KIAA1217: variants seen among roughly 807,000 people sequenced by gnomAD.
The protein encoded by KIAA1217 is sickle tail protein homolog.
In KIAA1217, 88 loss-of-function variants were observed where a neutral mutation model predicts 163.9. The observed-to-expected ratio is 0.54, with a 90% confidence interval of 0.45 to 0.64. KIAA1217 has a LOEUF of 0.64. Among genes scored for constraint, KIAA1217 ranks in the 30% least tolerant of loss-of-function variants. The probability of loss-of-function intolerance (pLI) is 0.00; values close to 1 mark genes in which losing one functional copy is unlikely to be tolerated. For synonymous variants in KIAA1217, 903 were observed against 923.1 expected (o/e 0.98, Z 0.39); for missense variants, 2,372 against 2,475.0 (o/e 0.96, Z 0.88).
At chr10:23,935,359 G>A (rs911988184) in intron 1 of KIAA1217, among the ~76,000 whole-genome samples, 8 of 152,148 alleles carry the variant, frequency 5.3e-5, no homozygotes, top group South Asian at 4.2e-4. Context: ...AGATCACTGC[G>A]AGAAAAACAC....
At chr10:24,254,166 C>A (rs920335272) in intron 2 of KIAA1217, among the ~76,000 whole-genome samples, 13 of 152,158 alleles carry the variant, frequency 8.5e-5, no homozygotes, top group African/African-American at 2.9e-4. Context: ...TGGCTCAGGT[C>A]AGTTGCTCAG....
intron 1 of KIAA1217, among the ~76,000 whole-genome samples, chr10:23,703,223 A>G (rs1836604322): frequency 6.6e-6 from 1 of 152,170 alleles, no homozygotes; most frequent in South Asian, 2.1e-4. Flanking sequence ...ACCTATATGT[A>G]TAGAGCAGAG....
intron 1 of KIAA1217, among the ~76,000 whole-genome samples, chr10:23,950,008 C>T (rs999173809): frequency 8.5e-5 from 13 of 152,200 alleles, no homozygotes; most frequent in African/African-American, 2.4e-4. Context: ...TTTATCATCT[C>T]AAGCGTAGAT....
chr10:23,702,321 T>G (rs1267277300), intron 1 of KIAA1217, among the ~76,000 whole-genome samples: 1 of 151,638 alleles, frequency 6.6e-6, no homozygotes, highest in African/African-American at 2.4e-5. Context: ...AAAGAGGGAG[T>G]GACTTTCTAA....
chr10:23,970,789 G>A (rs1486182238), intron 1 of KIAA1217, among the ~76,000 whole-genome samples: 1 of 152,144 alleles, frequency 6.6e-6, no homozygotes, highest in Non-Finnish European at 1.5e-5. Context: ...ACTAGTTCAG[G>A]CCATGATAGG....
At chr10:24,135,769 G>T (rs1314136895) in intron 2 of KIAA1217, among the ~76,000 whole-genome samples, 1 of 152,058 alleles carries the variant, frequency 6.6e-6, no homozygotes, top group Non-Finnish European at 1.5e-5. Context: ...GCTCTGCTGC[G>T]AAGCTTTCTG....
Position 23,861,388 on chromosome 10 carries a change from T to C in KIAA1217, c.-320-145837T>C, listed in dbSNP as rs117900362. Among the ~76,000 whole-genome samples, 136 of 152,288 alleles carry C rather than the reference T, an allele frequency of 8.9e-4. 1 individual carries two copies. In the East Asian group the frequency reaches 0.024, roughly 27 times the overall value. On this transcript the variant is annotated intron_variant, in intron 1 of 18. Coordinates refer to the KIAA1217 transcript ENST00000376462. Reference sequence around the variant, plus strand: ...GTTTTCTGAGCTATAAGCAGTGAGATAGGCAGAATGAACTCCAAAGATGTC... The same window carrying C: ...GTTTTCTGAGCTATAAGCAGTGAGACAGGCAGAATGAACTCCAAAGATGTC...
chr10:23,779,623 C>G (rs1325519811), intron 1 of KIAA1217, among the ~76,000 whole-genome samples: 1 of 152,178 alleles, frequency 6.6e-6, no homozygotes, highest in Admixed American at 6.5e-5. Context: ...AAATGCTCTA[C>G]TGTGTATTGA....
intron 5 of KIAA1217, among the ~76,000 whole-genome samples, chr10:24,472,808 C>T (rs1186085578): frequency 6.6e-6 from 1 of 152,066 alleles, no homozygotes; most frequent in Non-Finnish European, 1.5e-5. Flanking sequence ...ATCAATGTGT[C>T]GGCAGGGTCA....
chr10:23,725,085 T>C (rs1395354946), intron 1 of KIAA1217, among the ~76,000 whole-genome samples: 1 of 152,318 alleles, frequency 6.6e-6, no homozygotes, highest in Non-Finnish European at 1.5e-5. Context: ...ATGTCATGGG[T>C]TCTCTTTCCT....
chr10:24,500,183 A>AGGTGTG, intron 8 of KIAA1217, among the ~76,000 whole-genome samples: 1 of 100,094 alleles, frequency 1.0e-5, no homozygotes, highest in Non-Finnish European at 2.1e-5. Context: ...AACTGAACAG[A>AGGTGTG]AGTGTGTGTG....
chr10:24,232,649 T>G (rs2071579733), intron 2 of KIAA1217, among the ~76,000 whole-genome samples: 1 of 152,146 alleles, frequency 6.6e-6, no homozygotes, highest in Non-Finnish European at 1.5e-5. Flanking sequence ...TTCAGTCCAG[T>G]GCATAGATGC....
At chr10:23,914,794 C>CG (rs1279333573) in intron 1 of KIAA1217, among the ~76,000 whole-genome samples, 1 of 152,116 alleles carries the variant, frequency 6.6e-6, no homozygotes, top group African/African-American at 2.4e-5. Context: ...CAGTTAAGTT[C>CG]ATCCCCCAAA....
At chr10:24,483,713 G>A (rs1172197205) in intron 6 of KIAA1217, among the ~76,000 whole-genome samples, 1 of 152,086 alleles carries the variant, frequency 6.6e-6, no homozygotes, top group African/African-American at 2.4e-5. Context: ...TTAGCTGGCC[G>A]TGTTCAGCTG....
At chr10:24,524,282 G>A (rs372404044) in intron 12 of KIAA1217, 41 bp from the exon 13 acceptor site, 17 of 1,571,616 alleles carry the variant, frequency 1.1e-5, no homozygotes, top group African/African-American at 4.1e-5. Flanking sequence ...CCATGAGAAA[G>A]TGACATGAGG....
chr10:24,120,719 A>T (rs546625083), intron 2 of KIAA1217, among the ~76,000 whole-genome samples: 1 of 152,186 alleles, frequency 6.6e-6, no homozygotes, highest in African/African-American at 2.4e-5. Flanking sequence ...TTTTCCCCCA[A>T]TGGAAATTGT....
intron 2 of KIAA1217, chr10:24,239,359 C>A: frequency 1.0e-6 from 1 of 959,116 alleles, no homozygotes; most frequent in Non-Finnish European, 1.2e-6. Context: ...GGGTTTTTTT[C>A]TTCCAAGTTT....
At chr10:23,698,373 A>T (rs1373040136) in intron 1 of KIAA1217, among the ~76,000 whole-genome samples, 3 of 152,238 alleles carry the variant, frequency 2.0e-5, no homozygotes, top group African/African-American at 4.8e-5. Flanking sequence ...AATACTAAAA[A>T]TGGTAGCTAA....
At chr10:23,856,513 C>T (rs564331709) in intron 1 of KIAA1217, among the ~76,000 whole-genome samples, 10 of 152,324 alleles carry the variant, frequency 6.6e-5, no homozygotes, top group African/African-American at 1.2e-4. Flanking sequence ...TCTCCAGCTG[C>T]GTGCTGGGAG....
Sources: allele counts gnomAD v4.1 joint callset (sites outside exome capture counted in the v4.1 genomes callset), GRCh38; gene constraint gnomAD v4.1.1; transcripts MANE v1.5; gene names NCBI Gene and HGNC (gene_info 2026-07-23, HGNC 2026-07-21).